The following B4GALT4 variants were observed in gnomAD, a reference collection of about 807,000 sequenced individuals.
B4GALT4 encodes the protein beta-1,4-galactosyltransferase 4.
B4GALT4 carries 27 observed loss-of-function variants against 37.3 expected under a neutral mutation model. The ratio of observed to expected loss-of-function variants is 0.72; its 90% confidence interval spans 0.53 to 1.00. The LOEUF (loss-of-function observed/expected upper bound fraction) is 1.00, where lower values mean the gene tolerates loss of function less well. Among genes scored for constraint, B4GALT4 ranks in the 50% least tolerant of loss-of-function variants. The pLI is 0.00. For synonymous variants in B4GALT4, 148 were observed against 154.1 expected (o/e 0.96, Z 0.29); for missense variants, 372 against 413.1 (o/e 0.90, Z 0.86).
chr3:119,231,097 A>G (rs1559932119), intron 2 of B4GALT4, among the ~76,000 whole-genome samples: 1 of 152,220 alleles, frequency 6.6e-6, no homozygotes, highest in Non-Finnish European at 1.5e-5. Context: ...AAGTAGACAC[A>G]CTGAAACACC....
Position 119,218,638 on chromosome 3 carries a change from T to G in B4GALT4, c.797+12A>C. 7 of 1,614,140 alleles carry G rather than the reference T, an allele frequency of 4.3e-6. No individual in the cohort carries two copies. Among genetic ancestry groups the G allele is most frequent in the Non-Finnish European group, 5.9e-6 (7 of 1,180,028 alleles). On this transcript the variant is annotated intron_variant, in intron 6 of 7. Transcript: ENST00000393765. ...CAGAGCCCCGTGAAGGGGACCTTTC[T>G]CTGTTGTTCACCTGAGTCTGAGGTC...
chr3:119,231,927 T>G (rs924384933), intron 2 of B4GALT4, among the ~76,000 whole-genome samples: 4 of 150,738 alleles, frequency 2.7e-5, no homozygotes, highest in Non-Finnish European at 5.9e-5. Flanking sequence ...ATATATCATT[T>G]TATAATATGG....
intron 1 of B4GALT4, among the ~76,000 whole-genome samples, chr3:119,239,512 C>T (rs1470180947): frequency 6.6e-6 from 1 of 151,818 alleles, no homozygotes; most frequent in Non-Finnish European, 1.5e-5. Flanking sequence ...AAAACATTTG[C>T]ATGCATCTCT....
At chr3:119,240,031 C>G (rs1692680296) in intron 1 of B4GALT4, 2 of 151,396 alleles carry the variant, frequency 1.3e-5, no homozygotes, top group East Asian at 3.9e-4. Context: ...CTCGCCTCCA[C>G]GCTCAGATTA....
In B4GALT4 at chr3:119,212,624, A is replaced by G; in HGVS notation, c.960T>C (p.Cys320=). 2.5e-6 allele frequency: 4 copies of G among 1,613,190 alleles called. No individual in the cohort carries two copies. Among genetic ancestry groups the G allele is most frequent in the Non-Finnish European group, 3.4e-6 (4 of 1,179,700 alleles). ...RVWRTDGLSS[C]SYKLVSVEHN... ...GTTCCACAGATACTAATTTATAAGA[A>G]CAACTACTCAACCCATCTGTTCTCC... The change falls in exon 8 of 8, where the codon TGT becomes TGC. Residue 320 remains cysteine (C), a synonymous_variant. Transcript: ENST00000393765.
At chr3:119,229,364 G>A (rs1478598140) in intron 3 of B4GALT4, among the ~76,000 whole-genome samples, 1 of 152,228 alleles carries the variant, frequency 6.6e-6, no homozygotes, top group Non-Finnish European at 1.5e-5. Context: ...CTGTTCCTAT[G>A]ACGGAATACT....
chr3:119,239,455 G>C (rs946356025), intron 1 of B4GALT4, among the ~76,000 whole-genome samples: 3 of 152,034 alleles, frequency 2.0e-5, no homozygotes, highest in African/African-American at 7.2e-5. Context: ...GATTTGCTTT[G>C]GATGTTTCCA....
At chr3:119,238,872 GA>G (rs1480695838) in intron 1 of B4GALT4, among the ~76,000 whole-genome samples, 1 of 152,102 alleles carries the variant, frequency 6.6e-6, no homozygotes, top group Non-Finnish European at 1.5e-5. Flanking sequence ...TAACCTTTAA[GA>G]AAACCTGTTC....
chr3:119,229,524 G>A (rs2078741721), intron 3 of B4GALT4, among the ~76,000 whole-genome samples: 1 of 152,222 alleles, frequency 6.6e-6, no homozygotes, highest in Non-Finnish European at 1.5e-5. Flanking sequence ...AAAATCTAAT[G>A]TGTAGAGTTA....
At position 119,219,727 on chromosome 3, in the gene B4GALT4, G is replaced by A. The variant is rs547849394; in HGVS notation, c.675-955C>T. Among the ~76,000 whole-genome samples the A allele has an allele frequency of 7.6e-4, 115 of 152,282 alleles. 3 individuals are homozygous for A. In the South Asian group the frequency reaches 0.023, roughly 30 times the overall value. On this transcript the variant is annotated intron_variant, in intron 5 of 7. Transcript: ENST00000393765. ...AAGATCAGGAGGTAAAAGTTAGAGAGCACCTCCCAGCCTCCCAGTTATATA... is the reference window on the plus strand; with the variant it reads ...AAGATCAGGAGGTAAAAGTTAGAGAACACCTCCCAGCCTCCCAGTTATATA...
In B4GALT4 at chr3:119,225,391, T is replaced by C. The variant is rs534497892; in HGVS notation, c.487-1146A>G. On this transcript the variant is annotated intron_variant, in intron 4 of 7. Coordinates refer to ENST00000393765, the MANE Select transcript of B4GALT4 (RefSeq NM_003778.4). ...CACGAAGCAGACATATTTTTCTCTT[T>C]CTCTTTTTCTTTTTTTTTAATTTGA... 4.6e-5 allele frequency among the ~76,000 whole-genome samples: 7 copies of C among 152,142 alleles called. No individual in the cohort carries two copies. In the East Asian group the frequency reaches 1.4e-3, roughly 29 times the overall value.
intron 1 of B4GALT4, among the ~76,000 whole-genome samples, chr3:119,238,405 T>C (rs7645297): frequency 0.06 from 9,158 of 152,218 alleles, 329 homozygotes; most frequent in African/African-American, 0.11. Flanking sequence ...TCTATTTCTT[T>C]TGTATCTTCT....
chr3:119,219,154 A>C (rs1193519555), intron 5 of B4GALT4, among the ~76,000 whole-genome samples: 1 of 152,166 alleles, frequency 6.6e-6, no homozygotes, highest in East Asian at 1.9e-4. Context: ...CTGAGGCTGC[A>C]TCCGGGTTCA....
At chr3:119,230,269 G>A (rs2078764918) in intron 2 of B4GALT4, 25 bp from the exon 3 acceptor site, 18 of 846,762 alleles carry the variant, frequency 2.1e-5, no homozygotes, top group South Asian at 1.1e-4. Flanking sequence ...CAAAAGACAC[G>A]TTGTTTCAAA....
intron 5 of B4GALT4, among the ~76,000 whole-genome samples, chr3:119,223,201 C>T (rs999501495): frequency 6.6e-6 from 1 of 152,226 alleles, no homozygotes; most frequent in Non-Finnish European, 1.5e-5. Context: ...TCCACTGTAG[C>T]TACCTGTCTC....
At chr3:119,229,726 G>T in intron 3 of B4GALT4, 121 bp downstream of exon 3, 1 of 1,064,110 alleles carries the variant, frequency 9.4e-7, no homozygotes, top group Non-Finnish European at 1.3e-6. Flanking sequence ...TATAGTTTTT[G>T]TGACACAGGA....
At chr3:119,227,729 T>G (rs2078669238) in intron 3 of B4GALT4, among the ~76,000 whole-genome samples, 2 of 152,292 alleles carry the variant, frequency 1.3e-5, no homozygotes, top group African/African-American at 4.8e-5. Context: ...CAGGTTTTTT[T>G]GTTTGTTTGT....
chr3:119,224,171 C>T lies in B4GALT4; in HGVS notation c.561G>A (p.Trp187Ter). ...GYLEALKEENWDCFIFHDVDL... is the reference protein window; with the variant it reads ...GYLEALKEEN ...CCACATCGTGGAATATAAAGCAGTC[C>T]CAATTTTCTTCCTTGAGGGCTTCTA... Residue 187 changes from tryptophan to a stop codon, truncating the protein, a stop_gained, in exon 5 of 8, where the codon TGG becomes TGA. Coordinates refer to ENST00000393765, the MANE Select transcript of B4GALT4 (RefSeq NM_003778.4). LOFTEE classifies it high-confidence loss of function. 6.2e-7 allele frequency: 1 copy of T among 1,613,780 alleles called. No homozygotes were observed.
intron 2 of B4GALT4, chr3:119,232,569 G>C (rs1189624626): frequency 6.6e-6 from 1 of 152,160 alleles, no homozygotes; most frequent in Admixed American, 6.6e-5. Context: ...TCCCTTGGGG[G>C]CCTTCTACCT....
Sources: gnomAD v4.1 joint callset for allele counts (sites outside exome capture counted in the v4.1 genomes callset) on GRCh38, gnomAD v4.1.1 for gene constraint, MANE v1.5 for transcripts, NCBI Gene and HGNC (gene_info 2026-07-23, HGNC 2026-07-21) for gene names.